The following TRA2B variants were observed in gnomAD, a reference collection of about 807,000 sequenced individuals.
TRA2B encodes transformer 2 beta homolog.
A neutral mutation model predicts 41.7 loss-of-function variants in TRA2B; 14 were observed. That is an observed-to-expected ratio of 0.34 (90% confidence interval 0.22 to 0.53). TRA2B has a LOEUF of 0.53. Among genes scored for constraint, TRA2B ranks in the 20% least tolerant of loss-of-function variants. The pLI is 0.95. For missense variants in TRA2B, 167 were observed against 396.8 expected, an observed-to-expected ratio of 0.42 and a Z score of 4.92; for synonymous variants, 130 against 128.8, an observed-to-expected ratio of 1.01 and a Z score of -0.06.
intron 1 of TRA2B, chr3:185,936,583 T>C: frequency 2.0e-6 from 2 of 985,308 alleles, no homozygotes; most frequent in Non-Finnish European, 2.4e-6. Context: ...AATCAAAAGT[T>C]TGCTAAGACA....
At position 185,937,565 on chromosome 3, in the gene TRA2B, CCT is replaced by C. The variant is rs201460810; in HGVS notation, c.36+258_36+259del. 1,602 of 947,158 alleles carry C rather than the reference CCT, an allele frequency of 1.7e-3. 13 individuals carry two copies. In the African/African-American group the frequency reaches 0.024, roughly 14 times the overall value. The allele number at this position is 947,158 out of a possible 1,614,324, so 58.7% of individuals were successfully genotyped here. A position where few individuals can be genotyped will look rare whatever the true frequency, so the allele number is the denominator to read the frequency against. ...ACGCAGCGGCCATTTTCATCTTCCC[CCT>C]CTTATAACGGGAAAAACGGCCGTCT... On this transcript the variant is annotated intron_variant, in intron 1 of 8. Transcript: ENST00000453386.
chr3:185,930,417 A>G (rs1031231991), intron 1 of TRA2B, among the ~76,000 whole-genome samples: 1 of 152,162 alleles, frequency 6.6e-6, no homozygotes, highest in African/African-American at 2.4e-5. Flanking sequence ...TGCTTGCAAG[A>G]TATAGAAATA....
Position 185,919,865 on chromosome 3 carries a change from T to C in TRA2B, c.723-369A>G, listed in dbSNP as rs369344280. On this transcript the variant is annotated intron_variant, in intron 6 of 8. Coordinates refer to ENST00000453386, the MANE Select transcript of TRA2B (RefSeq NM_004593.3). ...CACTTACAGACTCACTTTCAGACAATGACTGACAACTGTTAACTTCTTAAA... is the reference window on the plus strand; with the variant it reads ...CACTTACAGACTCACTTTCAGACAACGACTGACAACTGTTAACTTCTTAAA... Among the ~76,000 whole-genome samples, 11 of 152,268 alleles carry C rather than the reference T, an allele frequency of 7.2e-5. No homozygotes were observed. The East Asian group carries it at 1.5e-3, about 21-fold the overall frequency.
chr3:185,926,197 A>AG (rs1743944765), intron 2 of TRA2B, among the ~76,000 whole-genome samples: 1 of 151,910 alleles, frequency 6.6e-6, no homozygotes, highest in African/African-American at 2.4e-5. Context: ...CAACATTAAA[A>AG]AAAAAAAAGC....
intron 8 of TRA2B, among the ~76,000 whole-genome samples, chr3:185,918,009 A>G (rs552828405): frequency 3.3e-5 from 5 of 152,192 alleles, no homozygotes; most frequent in Non-Finnish European, 2.9e-5. Context: ...ACTCTTGAAA[A>G]GCTACTAAAT....
intron 1 of TRA2B, chr3:185,935,101 T>G (rs947233608): frequency 1.0e-6 from 1 of 985,320 alleles, no homozygotes; most frequent in African/African-American, 1.7e-5. Context: ...AAGATTACCC[T>G]GCACTTCATC....
At chr3:185,919,380 C>G (rs913541123) in intron 7 of TRA2B, 57 bp downstream of exon 7, 2 of 1,442,278 alleles carry the variant, frequency 1.4e-6, no homozygotes, top group African/African-American at 2.8e-5. Context: ...ACTAGGCAAA[C>G]ATCTTTATGT....
intron 6 of TRA2B, among the ~76,000 whole-genome samples, chr3:185,920,152 C>T (rs1162529788): frequency 6.6e-6 from 1 of 151,018 alleles, no homozygotes; most frequent in Non-Finnish European, 1.5e-5. Flanking sequence ...AAGCCACATA[C>T]CCTTGTCATA....
chr3:185,925,295 A>ACCCCGTC, intron 3 of TRA2B, 169 bp downstream of exon 3: 1 of 726,568 alleles, frequency 1.4e-6, no homozygotes, highest in Non-Finnish European at 2.1e-6. Context: ...CCAAATGCAG[A>ACCCCGTC]CCCCGTCATG....
chr3:185,935,842 A>AT lies in TRA2B; in HGVS notation c.36+1982dup, dbSNP rs1224555068. 5 of 985,344 alleles carry AT rather than the reference A, an allele frequency of 5.1e-6. No homozygotes were observed. The African/African-American group carries it at 7.0e-5, about 14-fold the overall frequency. The allele number at this position is 985,344 out of a possible 1,614,324, so 61.0% of individuals were successfully genotyped here. ...ACACCAAACACAACAATATGGAAGT[A>AT]TTTCACAACGTAAAAGTTTAGAGAT... On this transcript the variant is annotated intron_variant, in intron 1 of 8. Coordinates refer to ENST00000453386, the MANE Select transcript of TRA2B (RefSeq NM_004593.3).
chr3:185,924,039 G>A, intron 3 of TRA2B, 55 bp from the exon 4 acceptor site: 1 of 1,516,420 alleles, frequency 6.6e-7, no homozygotes, highest in Non-Finnish European at 8.9e-7. Context: ...AATCAAAGTT[G>A]TTTAAAAAGG....
chr3:185,918,559 C>A (rs1743592624), intron 7 of TRA2B, 121 bp from the exon 8 acceptor site: 1 of 564,114 alleles, frequency 1.8e-6, no homozygotes, highest in Non-Finnish European at 3.1e-6. Flanking sequence ...GCTGCATGAA[C>A]CTTCAAGGTC....
In TRA2B at chr3:185,918,356, A is replaced by AG; in HGVS notation, c.856+8_856+9insC. 6.2e-7 allele frequency: 1 copy of AG among 1,605,306 alleles called. No homozygotes were observed. On this transcript the variant is annotated intron_variant, in intron 8 of 8. Coordinates refer to ENST00000453386, the MANE Select transcript of TRA2B (RefSeq NM_004593.3). ...CAATATAAACAATCATATTAAGATA[A>AG]AAACTTACGAGGTGAGTATGATCGA...
intron 4 of TRA2B, 140 bp from the exon 5 acceptor site, chr3:185,922,266 C>CCTG: frequency 2.0e-6 from 1 of 509,292 alleles, no homozygotes; most frequent in Non-Finnish European, 3.5e-6. Context: ...AGGTCTACAA[C>CCTG]TTACAAATGT....
intron 1 of TRA2B, among the ~76,000 whole-genome samples, chr3:185,930,000 C>A (rs958018631): frequency 6.6e-6 from 1 of 152,158 alleles, no homozygotes. Context: ...CCGGCCTCCT[C>A]CTCATCTTCC....
intron 1 of TRA2B, chr3:185,935,852 G>A (rs191519082): frequency 1.0e-6 from 1 of 985,328 alleles, no homozygotes; most frequent in African/African-American, 1.7e-5. Context: ...ATTTCACAAC[G>A]TAAAAGTTTA....
Position 185,917,554 on chromosome 3 carries a change from G to A in TRA2B, c.*161C>T, listed in dbSNP as rs151178459. On this transcript the variant is annotated 3_prime_UTR_variant, in exon 9 of 9. Transcript: ENST00000453386. The stretch of plus-strand genomic sequence containing the variant: ...GCACCAAACTACACAAATGCAGAAT[G>A]AAAACAGCATTTCAACTCCACCAAA... 1,089 of 620,096 alleles carry A rather than the reference G, an allele frequency of 1.8e-3. 3 individuals are homozygous for A. The highest frequency in any genetic ancestry group is 2.1e-3 in the Non-Finnish European group (746 of 363,666). 38.4% of individuals were successfully genotyped at this position (620,096 alleles called of 1,614,324 possible). A position where few individuals can be genotyped will look rare whatever the true frequency, so the allele number is the denominator to read the frequency against.
chr3:185,932,870 T>C (rs1434238869), intron 1 of TRA2B, among the ~76,000 whole-genome samples: 1 of 152,174 alleles, frequency 6.6e-6, no homozygotes, highest in African/African-American at 2.4e-5. Flanking sequence ...AAGGCTTTGT[T>C]TAAAAAAATT....
At chr3:185,921,778 A>C (rs530029719) in intron 5 of TRA2B, among the ~76,000 whole-genome samples, 2 of 152,266 alleles carry the variant, frequency 1.3e-5, no homozygotes, top group South Asian at 2.1e-4. Flanking sequence ...CAAAACAAAA[A>C]CAAAACCAAA....
Sources: gnomAD v4.1 joint callset for allele counts (sites outside exome capture counted in the v4.1 genomes callset) on GRCh38, gnomAD v4.1.1 for gene constraint, MANE v1.5 for transcripts, NCBI Gene and HGNC (gene_info 2026-07-23, HGNC 2026-07-21) for gene names.